BAIAP2L1: variants seen among roughly 807,000 people sequenced by gnomAD.
BAIAP2L1 encodes BAR/IMD domain containing adaptor protein 2 like 1.
A neutral mutation model predicts 66.3 loss-of-function variants in BAIAP2L1; 35 were observed. That is an observed-to-expected ratio of 0.53 (90% CI 0.40 to 0.70). The LOEUF is 0.70. BAIAP2L1 is among the 30% of genes least tolerant of loss of function. BAIAP2L1 has a pLI of 0.00. For synonymous variants in BAIAP2L1, 269 were observed against 248.7 expected (o/e 1.08, Z -0.77); for missense variants, 622 against 656.9 (o/e 0.95, Z 0.58).
intron 12 of BAIAP2L1, among the ~76,000 whole-genome samples, chr7:98,302,023 C>T (rs774956244): frequency 6.6e-6 from 1 of 152,106 alleles, no homozygotes; most frequent in African/African-American, 2.4e-5. Flanking sequence ...CGGTAAGAGG[C>T]GTGCACCGTG....
At chr7:98,378,743 C>G (rs1802689370) in intron 1 of BAIAP2L1, among the ~76,000 whole-genome samples, 1 of 151,866 alleles carries the variant, frequency 6.6e-6, no homozygotes, top group Non-Finnish European at 1.5e-5. Flanking sequence ...TCAAGCAGTT[C>G]TCGTGCCTCA....
At chr7:98,392,260 G>A (rs1803064235) in intron 1 of BAIAP2L1, among the ~76,000 whole-genome samples, 1 of 151,588 alleles carries the variant, frequency 6.6e-6, no homozygotes, top group South Asian at 2.1e-4. Flanking sequence ...CAGGAGAATC[G>A]CTTGAACCTG....
intron 3 of BAIAP2L1, among the ~76,000 whole-genome samples, chr7:98,332,872 C>T (rs1224901109): frequency 1.3e-5 from 2 of 150,300 alleles, no homozygotes; most frequent in Non-Finnish European, 3.0e-5. Context: ...CTCCAGAAGC[C>T]CCATCTGCAC....
intron 3 of BAIAP2L1, among the ~76,000 whole-genome samples, chr7:98,342,472 A>G (rs936813973): frequency 9.2e-5 from 14 of 152,200 alleles, no homozygotes; most frequent in Non-Finnish European, 1.6e-4. Flanking sequence ...TAAGCATTCT[A>G]TCAATGATTA....
At chr7:98,327,813 T>C (rs1015592099) in intron 3 of BAIAP2L1, among the ~76,000 whole-genome samples, 2 of 152,218 alleles carry the variant, frequency 1.3e-5, no homozygotes, top group Admixed American at 6.5e-5. Flanking sequence ...GAGGAATAAA[T>C]TGATTTCATC....
chr7:98,293,144 T>C lies in BAIAP2L1; in HGVS notation c.*377A>G. ...GAGCACATGCTTTATAAAATAAAAC[T>C]GGTCTCATTCATATCAGGTGCAGAA... On this transcript the variant is annotated 3_prime_UTR_variant, in exon 14 of 14. Coordinates refer to ENST00000005260, the MANE Select transcript of BAIAP2L1 (RefSeq NM_018842.5). 2.9e-6 allele frequency: 1 copy of C among 339,276 alleles called. No individual in the cohort carries two copies. The highest frequency in any genetic ancestry group is 4.6e-6 in the Non-Finnish European group (1 of 218,352). 21.0% of individuals were successfully genotyped at this position (339,276 alleles called of 1,614,324 possible).
rs1296058748 is a variant in BAIAP2L1, at chr7:98,357,079, G to T, written c.128-1951C>A. Among the ~76,000 whole-genome samples, 4 of 99,168 alleles carry T rather than the reference G, an allele frequency of 4.0e-5. No individual in the cohort carries two copies. In the Admixed American group the frequency reaches 5.6e-4, roughly 14 times the overall value. 65.1% of individuals were successfully genotyped at this position (99,168 alleles called of 152,430 possible). On this transcript the variant is annotated intron_variant, in intron 2 of 13. Coordinates refer to ENST00000005260, the MANE Select transcript of BAIAP2L1 (RefSeq NM_018842.5). ...TTTTTTTTTTTTTTTAAGAGTAGGG[G>T]TCTCACTCTGTTGCCCAGGCTGGTC...
chr7:98,355,914 C>T (rs566379778), intron 2 of BAIAP2L1, among the ~76,000 whole-genome samples: 1 of 152,094 alleles, frequency 6.6e-6, no homozygotes, highest in Non-Finnish European at 1.5e-5. Context: ...GAGCCACAAC[C>T]AACCAACCTA....
In BAIAP2L1 at chr7:98,301,475, G is replaced by GTATATATATATATA. The variant is rs60741017; in HGVS notation, c.1422+2707_1422+2720dup. Among the ~76,000 whole-genome samples the GTATATATATATATA allele has an allele frequency of 4.2e-4, 60 of 142,298 alleles. 2 individuals are homozygous for GTATATATATATATA. The East Asian group carries it at 9.5e-3, about 23-fold the overall frequency. The allele number at this position is 142,298 out of a possible 152,430, so 93.4% of individuals were successfully genotyped here. A position where few individuals can be genotyped will look rare whatever the true frequency, so the allele number is the denominator to read the frequency against. Reference sequence around the variant, plus strand: ...AAAGCCTTCTAGCTTTTTTTTTTTGGTATATATATATATATATATTTTAAG... The same window carrying GTATATATATATATA: ...AAAGCCTTCTAGCTTTTTTTTTTTGGTATATATATATATATATATATATATATATATATTTTAAG... On this transcript the variant is annotated intron_variant, in intron 12 of 13. Transcript: ENST00000005260.
chr7:98,310,519 G>A lies in BAIAP2L1; in HGVS notation c.881C>T (p.Thr294Ile), dbSNP rs1285348582. The change falls in exon 9 of 14, where the codon ACC (threonine) becomes ATC (isoleucine). Residue 294 changes from threonine (T) to isoleucine (I), a missense_variant. By Grantham distance (89) the Thr-to-Ile change is moderately conservative. Transcript: ENST00000005260. ...MPPAPSGRAY[T>I]SPLIDMFNNP... ...ATTAAACATATCGATCAAGGGACTGGTATATGCTCTGCCTGAAGGAGCGGG... is the reference window on the plus strand; with the variant it reads ...ATTAAACATATCGATCAAGGGACTGATATATGCTCTGCCTGAAGGAGCGGG... The A allele has an allele frequency of 1.2e-6, 2 of 1,605,858 alleles. No individual in the cohort carries two copies.
At chr7:98,382,965 C>G (rs1802793345) in intron 1 of BAIAP2L1, among the ~76,000 whole-genome samples, 1 of 151,882 alleles carries the variant, frequency 6.6e-6, no homozygotes, top group Non-Finnish European at 1.5e-5. Flanking sequence ...AGTTCGAGAC[C>G]AGCCTGACCA....
intron 1 of BAIAP2L1, among the ~76,000 whole-genome samples, chr7:98,388,907 G>C (rs935782072): frequency 6.6e-6 from 1 of 151,694 alleles, no homozygotes; most frequent in Non-Finnish European, 1.5e-5. Context: ...CTGGGACGTT[G>C]AGGCTGCAGT....
At chr7:98,390,451 G>A (rs553380777) in intron 1 of BAIAP2L1, among the ~76,000 whole-genome samples, 24 of 151,756 alleles carry the variant, frequency 1.6e-4, no homozygotes, top group South Asian at 8.3e-4. Context: ...AAATATGGCC[G>A]GGTGCAGTGG....
intron 3 of BAIAP2L1, among the ~76,000 whole-genome samples, chr7:98,322,510 G>A (rs1227502707): frequency 2.0e-5 from 3 of 152,126 alleles, no homozygotes; most frequent in African/African-American, 4.8e-5. Flanking sequence ...GGCCATCATC[G>A]GAGCCACCTG....
chr7:98,359,574 T>C (rs529667346), intron 2 of BAIAP2L1, among the ~76,000 whole-genome samples: 3 of 151,826 alleles, frequency 2.0e-5, no homozygotes, highest in Non-Finnish European at 4.4e-5. Context: ...CCCGGCCGAC[T>C]TGCTGTCTTT....
In BAIAP2L1 at chr7:98,293,552, G is replaced by A. The variant is rs140138864; in HGVS notation, c.1505C>T (p.Thr502Met). Residue 502 changes from threonine to methionine, a missense_variant, in exon 14 of 14, where the codon ACG becomes ATG. By Grantham distance (81) the Thr-to-Met change is moderately conservative (BLOSUM62 -1). Coordinates refer to ENST00000005260, the MANE Select transcript of BAIAP2L1 (RefSeq NM_018842.5). ...AATGATGGGTGCCGAGCGATCATTC[G>A]TCACAGTCGGGCGGAGTTTCACAGT... ...FATVKLRPTV[T>M]NDRSAPIIR 3.2e-5 allele frequency: 52 copies of A among 1,613,740 alleles called. No individual in the cohort carries two copies. The Admixed American group carries it at 4.3e-4, about 13-fold the overall frequency.
At chr7:98,380,776 A>C (rs971612144) in intron 1 of BAIAP2L1, among the ~76,000 whole-genome samples, 7 of 131,490 alleles carry the variant, frequency 5.3e-5, no homozygotes, top group South Asian at 2.7e-4. Context: ...AGGAACCACC[A>C]CCACCGCCAC....
chr7:98,311,763 A>T (rs1800880620), intron 8 of BAIAP2L1, among the ~76,000 whole-genome samples: 1 of 152,012 alleles, frequency 6.6e-6, no homozygotes, highest in African/African-American at 2.4e-5. Context: ...AAAATTAGCC[A>T]GGCATGGTGG....
At chr7:98,341,296 A>G (rs149056551) in intron 3 of BAIAP2L1, among the ~76,000 whole-genome samples, 1 of 152,328 alleles carries the variant, frequency 6.6e-6, no homozygotes, top group East Asian at 1.9e-4. Flanking sequence ...GTTAGTCAGC[A>G]TGGACCATAT....
Sources: gnomAD v4.1 joint callset for allele counts (sites outside exome capture counted in the v4.1 genomes callset) on GRCh38, gnomAD v4.1.1 for gene constraint, MANE v1.5 for transcripts, NCBI Gene and HGNC (gene_info 2026-07-23, HGNC 2026-07-21) for gene names.